Variants in SRPK2 observed in about 807,000 individuals in gnomAD.
SRPK2 encodes the protein SFRS protein kinase 2.
In SRPK2, 21 loss-of-function variants were observed where a neutral mutation model predicts 90.8. The observed-to-expected ratio is 0.23, with a 90% confidence interval of 0.16 to 0.33. SRPK2 has a LOEUF of 0.33. Ranked by LOEUF, SRPK2 falls within the 10% of genes least tolerant of loss-of-function variation. SRPK2 has a pLI of 1.00. For missense variants in SRPK2, 620 were observed against 869.0 expected (o/e 0.71, Z 3.60); for synonymous variants, 288 against 311.1 (o/e 0.93, Z 0.78).
intron 6 of SRPK2, among the ~76,000 whole-genome samples, chr7:105,161,072 C>T (rs1205931482): frequency 6.6e-6 from 1 of 151,988 alleles, no homozygotes; most frequent in East Asian, 1.9e-4. Flanking sequence ...ACTACAGGTG[C>T]CCGCCACCAC....
In SRPK2 at chr7:105,384,936, G is replaced by A. The variant is rs1196631204; in HGVS notation, c.71+3712C>T. ...CTGTCGCCCAGGCTGGAGTGCAGTG[G>A]CGCAATCTCGGCTCACTGCAAGCTC... On this transcript the variant is annotated intron_variant, in intron 2 of 15. Transcript: ENST00000393651. Among the ~76,000 whole-genome samples, 3 of 151,710 alleles carry A rather than the reference G, an allele frequency of 2.0e-5. No homozygotes were observed. In the East Asian group the frequency reaches 5.8e-4, roughly 29 times the overall value.
chr7:105,379,758 C>G (rs1820726896), intron 2 of SRPK2, among the ~76,000 whole-genome samples: 1 of 152,078 alleles, frequency 6.6e-6, no homozygotes, highest in Admixed American at 6.5e-5. Context: ...GCGGGCAGAT[C>G]ACAAGGTCAG....
intron 2 of SRPK2, among the ~76,000 whole-genome samples, chr7:105,277,460 T>G (rs1806675034): frequency 6.6e-6 from 1 of 152,216 alleles, no homozygotes. Context: ...TTTCTAATAC[T>G]GCTATCTGAA....
intron 2 of SRPK2, among the ~76,000 whole-genome samples, chr7:105,325,636 T>C (rs564490205): frequency 4.7e-5 from 7 of 148,768 alleles, no homozygotes; most frequent in Admixed American, 1.3e-4. Flanking sequence ...GGCAGGAGGA[T>C]CGCTCCAGCC....
At position 105,198,341 on chromosome 7, in the gene SRPK2, G is replaced by GTT. The variant is rs11412280; in HGVS notation, c.229+5285_229+5286dup. On this transcript the variant is annotated intron_variant, in intron 3 of 15. Transcript: ENST00000393651. ...AAAAGGAGGTTTGGCTGTGACACAG[G>GTT]TTTTTTTTGCTCAAACTCATGAAAC... Among the ~76,000 whole-genome samples the GTT allele has an allele frequency of 5.7e-4, 87 of 151,832 alleles. 1 individual carries two copies. The highest frequency in any genetic ancestry group is 1.8e-3 in the African/African-American group (76 of 41,410).
intron 7 of SRPK2, among the ~76,000 whole-genome samples, chr7:105,153,186 G>A (rs1307522569): frequency 2.0e-5 from 3 of 152,102 alleles, no homozygotes; most frequent in African/African-American, 2.4e-5. Context: ...ACACACATGA[G>A]GAACAAGTGC....
intron 2 of SRPK2, among the ~76,000 whole-genome samples, chr7:105,232,639 T>C (rs1216336736): frequency 2.0e-5 from 3 of 151,506 alleles, no homozygotes; most frequent in Non-Finnish European, 4.4e-5. Flanking sequence ...AACAGAAATA[T>C]TCACATGTGA....
At chr7:105,314,231 T>C (rs765209498) in intron 2 of SRPK2, among the ~76,000 whole-genome samples, 21 of 151,032 alleles carry the variant, frequency 1.4e-4, no homozygotes, top group Non-Finnish European at 2.8e-4. Flanking sequence ...ACTTGGGAGG[T>C]TGAGATATGA....
chr7:105,145,271 G>T lies in SRPK2; in HGVS notation c.813+12C>A, dbSNP rs199526965. 24 of 1,585,276 alleles carry T rather than the reference G, an allele frequency of 1.5e-5. No homozygotes were observed. The East Asian group carries it at 5.2e-4, about 34-fold the overall frequency. Reference sequence around the variant, plus strand: ...ACATGGTGCATATAAAGTAATATGCGTAAGTACTTACAGGTTTCTGCTGTG... The same window carrying T: ...ACATGGTGCATATAAAGTAATATGCTTAAGTACTTACAGGTTTCTGCTGTG... On this transcript the variant is annotated intron_variant, in intron 9 of 15. Transcript: ENST00000393651.
At chr7:105,262,504 T>A (rs1270220172) in intron 2 of SRPK2, among the ~76,000 whole-genome samples, 17 of 152,170 alleles carry the variant, frequency 1.1e-4, no homozygotes, top group Admixed American at 1.0e-3. Context: ...AAACCAAGCA[T>A]CTTCTTTATA....
At chr7:105,299,801 G>A (rs1441337443) in intron 2 of SRPK2, among the ~76,000 whole-genome samples, 1 of 152,186 alleles carries the variant, frequency 6.6e-6, no homozygotes, top group African/African-American at 2.4e-5. Flanking sequence ...GGCTGAGGCA[G>A]GAGAATCGCT....
rs368744147 is a variant in SRPK2, at chr7:105,214,645, TAAACA to T, written c.72-10865_72-10861del. On this transcript the variant is annotated intron_variant, in intron 2 of 15. Transcript: ENST00000393651. Reference sequence around the variant, plus strand: ...AATAATAAAGTACATAGAAATAAATTAAACAAAAGAAGTTTAAAACGTACTATGAA... The same window carrying T: ...AATAATAAAGTACATAGAAATAAATTAAAGAAGTTTAAAACGTACTATGAA... Among the ~76,000 whole-genome samples the T allele has an allele frequency of 2.3e-3, 348 of 152,270 alleles. 3 individuals are homozygous for T. The highest frequency in any genetic ancestry group is 8.0e-3 in the African/African-American group (334 of 41,550).
intron 3 of SRPK2, among the ~76,000 whole-genome samples, chr7:105,183,251 G>GA (rs1456638566): frequency 3.3e-5 from 5 of 151,858 alleles, no homozygotes; most frequent in African/African-American, 4.8e-5. Flanking sequence ...TGATTTTTCA[G>GA]AAAAAACCCT....
intron 2 of SRPK2, among the ~76,000 whole-genome samples, chr7:105,224,542 G>C (rs1160850317): frequency 3.3e-5 from 5 of 152,244 alleles, no homozygotes; most frequent in Middle Eastern, 3.4e-3. Context: ...TCAGGAGGTG[G>C]AGGTGGCAAT....
chr7:105,242,571 C>G (rs1477354383), intron 2 of SRPK2, among the ~76,000 whole-genome samples: 1 of 152,036 alleles, frequency 6.6e-6, no homozygotes, highest in Non-Finnish European at 1.5e-5. Context: ...AGATAAAACT[C>G]GACAGTAAGT....
chr7:105,263,781 T>A (rs1047501800), intron 2 of SRPK2, among the ~76,000 whole-genome samples: 1 of 151,656 alleles, frequency 6.6e-6, no homozygotes, highest in East Asian at 1.9e-4. Flanking sequence ...TGAAAAAAAA[T>A]TTCAATAAAC....
chr7:105,183,220 T>G (rs1220920391), intron 3 of SRPK2, among the ~76,000 whole-genome samples: 1 of 152,162 alleles, frequency 6.6e-6, no homozygotes, highest in African/African-American at 2.4e-5. Context: ...GTGTAAAAAA[T>G]TTTCTTCAAT....
intron 11 of SRPK2, among the ~76,000 whole-genome samples, chr7:105,139,205 G>C (rs983869498): frequency 6.6e-6 from 1 of 152,152 alleles, no homozygotes; most frequent in Non-Finnish European, 1.5e-5. Context: ...ATACTGCAAA[G>C]ACACTCTAGC....
At chr7:105,357,570 C>T (rs1817922139) in intron 2 of SRPK2, among the ~76,000 whole-genome samples, 1 of 151,738 alleles carries the variant, frequency 6.6e-6, no homozygotes, top group East Asian at 1.9e-4. Flanking sequence ...ATGGTGAAAC[C>T]CCATCTCTAC....
Sources: gnomAD v4.1 joint callset for allele counts (sites outside exome capture counted in the v4.1 genomes callset) on GRCh38, gnomAD v4.1.1 for gene constraint, MANE v1.5 for transcripts, NCBI Gene and HGNC (gene_info 2026-07-23, HGNC 2026-07-21) for gene names.